The following CREB5 variants were observed in gnomAD, a reference collection of about 807,000 sequenced individuals.
CREB5 encodes the protein cAMP responsive element binding protein 5, also known as cyclic AMP-responsive element-binding protein 5.
CREB5 carries 19 observed loss-of-function variants against 57.1 expected under a neutral mutation model. The observed-to-expected ratio is 0.33, with a 90% CI of 0.23 to 0.49. The LOEUF is 0.49. Ranked by LOEUF, CREB5 falls within the 20% of genes least tolerant of loss-of-function variation. CREB5 has a pLI of 0.99. For synonymous variants in CREB5, 238 were observed against 238.3 expected, an observed-to-expected ratio of 1.00 and a Z score of 0.01; for missense variants, 579 against 671.6, an observed-to-expected ratio of 0.86 and a Z score of 1.52.
intron 2 of CREB5, among the ~76,000 whole-genome samples, chr7:28,494,326 T>C (rs962895555): frequency 2.0e-5 from 3 of 152,228 alleles, no homozygotes; most frequent in African/African-American, 7.2e-5. Context: ...TAAACACTTA[T>C]TTTTTGTAAA....
rs111855414 is a variant in CREB5 at position 28,414,150 on chromosome 7, T to TCTTCTC, written c.3+1251_3+1256dup. ...CTTATTATTTTTGTCATCTTTTCTT[T>TCTTCTC]CTTCTCCTTCTCCTTCTCCTTCTTC... On this transcript the variant is annotated intron_variant, in intron 1 of 10. Transcript: ENST00000357727. Among the ~76,000 whole-genome samples, 58 of 152,270 alleles carry TCTTCTC rather than the reference T, an allele frequency of 3.8e-4. 1 individual carries two copies. Among genetic ancestry groups the TCTTCTC allele is most frequent in the Admixed American group, 8.5e-4 (13 of 15,306 alleles).
intron 7 of CREB5, among the ~76,000 whole-genome samples, chr7:28,786,188 G>T (rs1201617202): frequency 1.3e-5 from 2 of 152,114 alleles, no homozygotes; most frequent in Non-Finnish European, 2.9e-5. Context: ...AAAACTTAAA[G>T]TTGGCTTTGA....
intron 7 of CREB5, among the ~76,000 whole-genome samples, chr7:28,801,413 C>T (rs1189556785): frequency 6.6e-6 from 1 of 152,150 alleles, no homozygotes; most frequent in Non-Finnish European, 1.5e-5. Flanking sequence ...AACCTCTTTT[C>T]ATATTTTTTC....
chr7:28,642,951 TACACACAC>T lies in CREB5; in HGVS notation c.464+72442_464+72449del, dbSNP rs751628412. ...AAACAGACCGAAAGGAGGGTAGATT[TACACACAC>T]ACACACACACACACACACACACACA... On this transcript the variant is annotated intron_variant, in intron 5 of 10. Transcript: ENST00000357727. Among the ~76,000 whole-genome samples, 880 of 89,618 alleles carry T rather than the reference TACACACAC, an allele frequency of 9.8e-3. 3 individuals are homozygous for T. The highest frequency in any genetic ancestry group is 0.035 in the African/African-American group (753 of 21,552). The allele number at this position is 89,618 out of a possible 152,430, so 58.8% of individuals were successfully genotyped here.
intron 3 of CREB5, among the ~76,000 whole-genome samples, chr7:28,495,777 G>T (rs1792013903): frequency 6.6e-6 from 1 of 152,184 alleles, no homozygotes; most frequent in South Asian, 2.1e-4. Context: ...TTGGTAGAAT[G>T]AGCTCTCTTT....
At chr7:28,752,111 G>A (rs73306996) in intron 7 of CREB5, among the ~76,000 whole-genome samples, 1 of 152,196 alleles carries the variant, frequency 6.6e-6, no homozygotes, top group Non-Finnish European at 1.5e-5. Context: ...CTGATCACCT[G>A]TTTAAGGTGG....
intron 1 of CREB5, among the ~76,000 whole-genome samples, chr7:28,357,978 G>T (rs1743663211): frequency 6.6e-6 from 1 of 152,172 alleles, no homozygotes; most frequent in African/African-American, 2.4e-5. Context: ...CTTATTGATA[G>T]CAGAGGAAGA....
chr7:28,584,792 A>C (rs1415712396), intron 5 of CREB5, among the ~76,000 whole-genome samples: 2 of 152,132 alleles, frequency 1.3e-5, no homozygotes, highest in African/African-American at 4.8e-5. Flanking sequence ...AAAAAAAAAA[A>C]AACTATCACT....
chr7:28,554,187 T>G (rs1322258234), intron 4 of CREB5, among the ~76,000 whole-genome samples: 2 of 152,236 alleles, frequency 1.3e-5, no homozygotes, highest in Admixed American at 6.5e-5. Context: ...GAATTAGTAG[T>G]CAGGAGATCC....
intron 5 of CREB5, among the ~76,000 whole-genome samples, chr7:28,595,406 T>C (rs1018678317): frequency 6.6e-6 from 1 of 152,162 alleles, no homozygotes; most frequent in Non-Finnish European, 1.5e-5. Context: ...TGACATATAG[T>C]AGGTTCTTCA....
intron 5 of CREB5, among the ~76,000 whole-genome samples, chr7:28,647,845 T>C (rs1798944875): frequency 6.6e-6 from 1 of 151,864 alleles, no homozygotes; most frequent in African/African-American, 2.4e-5. Context: ...CTTTGGGAGG[T>C]TGAGACAGGA....
chr7:28,762,805 T>A (rs1805736842), intron 7 of CREB5, among the ~76,000 whole-genome samples: 1 of 152,088 alleles, frequency 6.6e-6, no homozygotes, highest in African/African-American at 2.4e-5. Flanking sequence ...AGTGCATTTC[T>A]TTTCATTCAT....
intron 1 of CREB5, among the ~76,000 whole-genome samples, chr7:28,356,889 G>T (rs1040937162): frequency 1.3e-5 from 2 of 152,200 alleles, no homozygotes; most frequent in African/African-American, 4.8e-5. Context: ...AACTGACAGT[G>T]TGTCTCCTTT....
intron 2 of CREB5, among the ~76,000 whole-genome samples, chr7:28,489,517 G>A (rs955230019): frequency 3.9e-5 from 6 of 151,954 alleles, no homozygotes; most frequent in Admixed American, 3.3e-4. Flanking sequence ...TAGCCAGTAT[G>A]GTCTCGATCT....
intron 7 of CREB5, among the ~76,000 whole-genome samples, chr7:28,774,497 T>TATGG (rs1806512302): frequency 1.3e-5 from 2 of 152,250 alleles, no homozygotes; most frequent in Admixed American, 6.5e-5. Flanking sequence ...GCATTTACAG[T>TATGG]ATGGACATTT....
At chr7:28,379,378 C>T (rs1163331250) in intron 1 of CREB5, among the ~76,000 whole-genome samples, 3 of 152,220 alleles carry the variant, frequency 2.0e-5, no homozygotes, top group Non-Finnish European at 4.4e-5. Flanking sequence ...TCTGCTGACC[C>T]TCAGTGTTTT....
At chr7:28,736,200 G>T (rs1432482440) in intron 7 of CREB5, among the ~76,000 whole-genome samples, 1 of 151,950 alleles carries the variant, frequency 6.6e-6, no homozygotes, top group Non-Finnish European at 1.5e-5. Flanking sequence ...ACAGAGTTTT[G>T]CTCTTGTTGC....
rs777449222 is a variant in CREB5, at chr7:28,818,189, C to T, written c.1363+10C>T. 35 of 1,594,196 alleles carry T rather than the reference C, an allele frequency of 2.2e-5. No individual in the cohort carries two copies. The highest frequency in any genetic ancestry group is 5.6e-5 in the South Asian group (5 of 89,280). ...TCACAAGGATATCTAAGTAAGTCGC[C>T]GACTTTTTCACTTTTCTTTAGTGTC... On this transcript the variant is annotated intron_variant, in intron 10 of 10. Coordinates refer to ENST00000357727, the MANE Select transcript of CREB5 (RefSeq NM_182898.4).
At chr7:28,436,079 A>G (rs1788949161) in intron 1 of CREB5, among the ~76,000 whole-genome samples, 1 of 150,566 alleles carries the variant, frequency 6.6e-6, no homozygotes, top group Non-Finnish European at 1.5e-5. Context: ...TTTATTTTAA[A>G]GTGGCCTTTC....
Sources: gnomAD v4.1 joint callset for allele counts (sites outside exome capture counted in the v4.1 genomes callset) on GRCh38, gnomAD v4.1.1 for gene constraint, MANE v1.5 for transcripts, NCBI Gene and HGNC (gene_info 2026-07-23, HGNC 2026-07-21) for gene names.